The following LGSN variants were observed in gnomAD, a reference collection of about 807,000 sequenced individuals.
LGSN encodes the protein lengsin, lens protein with glutamine synthetase domain, also known as lengsin.
A neutral mutation model predicts 19.5 loss-of-function variants in LGSN; 21 were observed. The ratio of observed to expected loss-of-function variants is 1.07; its 90% CI spans 0.76 to 1.55. The LOEUF is 1.55. Ranked by LOEUF, LGSN falls within the 40% of genes most tolerant of loss-of-function variation. The pLI, the probability that LGSN is intolerant of heterozygous loss-of-function variation, is 0.00. For synonymous variants in LGSN, 257 were observed against 215.6 expected (o/e 1.19, Z -1.68); for missense variants, 673 against 608.5 (o/e 1.11, Z -1.12).
chr6:63,304,578 CAT>C (rs1768308065), intron 1 of LGSN, among the ~76,000 whole-genome samples: 2 of 152,150 alleles, frequency 1.3e-5, no homozygotes, highest in South Asian at 4.1e-4. Context: ...TTAATTAAAA[CAT>C]GTAGACTTTT....
At chr6:63,326,673 A>G in the LGSN span, among the ~76,000 whole-genome samples, 1 of 151,998 alleles carries the variant, frequency 6.6e-6, no homozygotes, top group African/African-American at 2.4e-5. Context: ...GACCCAGTAC[A>G]CCCTCTGCAG....
the LGSN span, among the ~76,000 whole-genome samples, chr6:63,465,183 C>T: frequency 6.6e-6 from 1 of 151,724 alleles, no homozygotes; most frequent in Non-Finnish European, 1.5e-5. Flanking sequence ...GTTGTTGTTG[C>T]TCTTTGTTTG....
the LGSN span, among the ~76,000 whole-genome samples, chr6:63,534,960 T>C: frequency 6.6e-6 from 1 of 151,956 alleles, no homozygotes; most frequent in Non-Finnish European, 1.5e-5. Context: ...CTCTGGAAGC[T>C]GAGGCAGGAG....
At chr6:63,402,649 G>A in the LGSN span, among the ~76,000 whole-genome samples, 2 of 152,136 alleles carry the variant, frequency 1.3e-5, no homozygotes, top group Admixed American at 6.5e-5. Context: ...GTAGGTCATT[G>A]GAAATGAGAA....
the LGSN span, among the ~76,000 whole-genome samples, chr6:63,515,673 G>A: frequency 1.1e-4 from 17 of 151,682 alleles, no homozygotes; most frequent in South Asian, 4.2e-4. Context: ...TTTCTCCCTC[G>A]GTGCTAGAAA....
the LGSN span, among the ~76,000 whole-genome samples, chr6:63,357,231 A>G: frequency 2.9e-3 from 437 of 152,038 alleles, 3 homozygotes; most frequent in Middle Eastern, 0.01. Flanking sequence ...CCACTCTATC[A>G]TTGTTGGACA....
the LGSN span, among the ~76,000 whole-genome samples, chr6:63,445,886 AC>A: frequency 6.6e-6 from 1 of 151,778 alleles, no homozygotes; most frequent in South Asian, 2.1e-4. Context: ...AGACATCTCA[AC>A]CCCCACCGCC....
chr6:63,484,846 G>A, the LGSN span, among the ~76,000 whole-genome samples: 2 of 152,180 alleles, frequency 1.3e-5, no homozygotes, highest in African/African-American at 4.8e-5. Context: ...CCTTAGTAAG[G>A]AAGCCCTAAA....
At chr6:63,492,750 A>G in the LGSN span, among the ~76,000 whole-genome samples, 37 of 152,346 alleles carry the variant, frequency 2.4e-4, no homozygotes, top group Non-Finnish European at 4.4e-4. Flanking sequence ...CAGTAAATAC[A>G]CATCTATATA....
At chr6:63,557,654 T>C in the LGSN span, among the ~76,000 whole-genome samples, 5 of 152,068 alleles carry the variant, frequency 3.3e-5, no homozygotes, top group Non-Finnish European at 5.9e-5. Context: ...TACAAAGCCA[T>C]GGAGGTCTGA....
At chr6:63,325,573 A>G in the LGSN span, among the ~76,000 whole-genome samples, 5 of 152,220 alleles carry the variant, frequency 3.3e-5, no homozygotes, top group Non-Finnish European at 7.3e-5. Flanking sequence ...ACCAATAATG[A>G]GTAGCAAGGT....
upstream of LGSN, among the ~76,000 whole-genome samples, chr6:63,320,680 C>T (rs1769050475): frequency 6.6e-6 from 1 of 152,184 alleles, no homozygotes; most frequent in Non-Finnish European, 1.5e-5. Context: ...TTTGAAATCA[C>T]ACTTCTGCTG....
chr6:63,442,249 A>C, the LGSN span, among the ~76,000 whole-genome samples: 1 of 152,206 alleles, frequency 6.6e-6, no homozygotes, highest in South Asian at 2.1e-4. Flanking sequence ...TATAGCTCAT[A>C]AAGGCGGCGT....
At chr6:63,301,843 C>T (rs533207015) in intron 1 of LGSN, among the ~76,000 whole-genome samples, 10 of 152,172 alleles carry the variant, frequency 6.6e-5, no homozygotes, top group African/African-American at 1.4e-4. Context: ...TCTTCATCAA[C>T]GAATAAGGAT....
the LGSN span, among the ~76,000 whole-genome samples, chr6:63,467,880 T>C: frequency 2.0e-5 from 3 of 151,794 alleles, no homozygotes; most frequent in African/African-American, 7.3e-5. Flanking sequence ...TTAGTAGAAA[T>C]GGCGTCTCAC....
the LGSN span, among the ~76,000 whole-genome samples, chr6:63,529,518 T>A: frequency 2.0e-5 from 3 of 152,146 alleles, no homozygotes; most frequent in Admixed American, 1.3e-4. Context: ...TCTAACAACC[T>A]AGCCTTCCTT....
the LGSN span, among the ~76,000 whole-genome samples, chr6:63,526,540 T>C: frequency 3.3e-5 from 5 of 151,956 alleles, no homozygotes; most frequent in Non-Finnish European, 7.4e-5. Context: ...CCAGGCGCAG[T>C]GGCTCATGCC....
At chr6:63,326,336 A>G in the LGSN span, among the ~76,000 whole-genome samples, 166 of 152,334 alleles carry the variant, frequency 1.1e-3, 1 homozygote, top group African/African-American at 3.7e-3. Context: ...CCTGAGCTAG[A>G]CATAAAGGTT....
the LGSN span, among the ~76,000 whole-genome samples, chr6:63,472,781 A>T: frequency 2.0e-5 from 3 of 151,848 alleles, no homozygotes; most frequent in Admixed American, 6.6e-5. Context: ...TCTACTAAAA[A>T]TACAAAAAAA....
Sources: allele counts gnomAD v4.1 joint callset (sites outside exome capture counted in the v4.1 genomes callset), GRCh38; gene constraint gnomAD v4.1.1; transcripts MANE v1.5; gene names NCBI Gene and HGNC (gene_info 2026-07-23, HGNC 2026-07-21).